LONP2: variants seen among roughly 807,000 people sequenced by gnomAD.
LONP2 encodes the protein lon protease homolog 2, peroxisomal.
Under a neutral mutation model 85.6 loss-of-function variants are expected in LONP2, and 60 were observed. That is an observed-to-expected ratio of 0.70 (90% CI 0.57 to 0.87). LONP2 has a LOEUF of 0.87. Ranked by LOEUF, LONP2 falls within the 40% of genes least tolerant of loss-of-function variation. The probability of loss-of-function intolerance (pLI) is 0.00; values close to 1 mark genes in which losing one functional copy is unlikely to be tolerated. For missense variants in LONP2, 860 were observed against 1,063.5 expected, an observed-to-expected ratio of 0.81 and a Z score of 2.66; for synonymous variants, 395 against 389.7, an observed-to-expected ratio of 1.01 and a Z score of -0.16.
intron 8 of LONP2, among the ~76,000 whole-genome samples, chr16:48,289,914 A>T (rs890518833): frequency 2.0e-5 from 3 of 152,166 alleles, no homozygotes; most frequent in African/African-American, 7.2e-5. Context: ...TATATATATT[A>T]CATATATTTG....
At chr16:48,246,420 T>A (rs1324199254) in intron 1 of LONP2, among the ~76,000 whole-genome samples, 1 of 152,218 alleles carries the variant, frequency 6.6e-6, no homozygotes, top group Non-Finnish European at 1.5e-5. Context: ...GCAAGAGTGG[T>A]CATTATTAGA....
At chr16:48,322,239 G>A (rs1973280304) in intron 11 of LONP2, among the ~76,000 whole-genome samples, 1 of 151,996 alleles carries the variant, frequency 6.6e-6, no homozygotes, top group Admixed American at 6.6e-5. Flanking sequence ...TACTGCTCAA[G>A]GTCATTGCCA....
At chr16:48,296,632 C>T (rs909148856) in intron 9 of LONP2, among the ~76,000 whole-genome samples, 23 of 149,478 alleles carry the variant, frequency 1.5e-4, no homozygotes, top group African/African-American at 3.7e-4. Context: ...GAGGCTGAGG[C>T]GGGAGAATCC....
intron 1 of LONP2, among the ~76,000 whole-genome samples, chr16:48,250,612 G>T (rs1043912922): frequency 2.0e-5 from 3 of 152,114 alleles, no homozygotes; most frequent in Non-Finnish European, 4.4e-5. Context: ...GTTCCTCCTT[G>T]GTTTCTACTT....
chr16:48,278,075 A>G (rs958645903), intron 8 of LONP2, among the ~76,000 whole-genome samples: 7 of 152,014 alleles, frequency 4.6e-5, no homozygotes, highest in Non-Finnish European at 1.0e-4. Context: ...CCATATTAGT[A>G]TTTACATTAT....
rs1026123377 is a variant in LONP2, at chr16:48,328,164, A to G, written c.1796-6052A>G. On this transcript the variant is annotated intron_variant, in intron 11 of 14. Transcript: ENST00000285737. ...ACAGTGGCTCACTCCTGTAATCCCAACACTTTGAGAGGCCAAGGCAGGAGG... is the reference window on the plus strand; with the variant it reads ...ACAGTGGCTCACTCCTGTAATCCCAGCACTTTGAGAGGCCAAGGCAGGAGG... Among the ~76,000 whole-genome samples, 14 of 152,184 alleles carry G rather than the reference A, an allele frequency of 9.2e-5. No individual in the cohort carries two copies. The East Asian group carries it at 2.7e-3, about 29-fold the overall frequency.
At chr16:48,323,693 C>T (rs1973313072) in intron 11 of LONP2, among the ~76,000 whole-genome samples, 1 of 151,668 alleles carries the variant, frequency 6.6e-6, no homozygotes, top group African/African-American at 2.4e-5. Flanking sequence ...TGAAAAATAC[C>T]TCACAGTCAT....
At chr16:48,304,582 T>A (rs1972873195) in intron 11 of LONP2, among the ~76,000 whole-genome samples, 1 of 152,088 alleles carries the variant, frequency 6.6e-6, no homozygotes, top group Non-Finnish European at 1.5e-5. Flanking sequence ...TGGGCGCCTG[T>A]AGTCCCCGCT....
chr16:48,358,820 A>ACATATG, downstream of LONP2, among the ~76,000 whole-genome samples: 1 of 152,232 alleles, frequency 6.6e-6, no homozygotes, highest in Admixed American at 6.5e-5. Flanking sequence ...GCATATGTAC[A>ACATATG]TACACATAAA....
chr16:48,249,297 G>A (rs957046833), intron 1 of LONP2, among the ~76,000 whole-genome samples: 4 of 152,174 alleles, frequency 2.6e-5, no homozygotes, highest in South Asian at 2.1e-4. Flanking sequence ...TATAAGTTTG[G>A]ATCTGTTGCA....
chr16:48,297,157 G>C (rs1972690709), intron 9 of LONP2, among the ~76,000 whole-genome samples: 1 of 151,946 alleles, frequency 6.6e-6, no homozygotes. Flanking sequence ...ACAGGCACTC[G>C]TGACCACGCC....
chr16:48,282,410 CAAAAA>C (rs773913986), intron 8 of LONP2, among the ~76,000 whole-genome samples: 2 of 83,830 alleles, frequency 2.4e-5, no homozygotes, highest in Non-Finnish European at 2.6e-5. Flanking sequence ...GACTCTGTCT[CAAAAA>C]AAAAAAAAAA....
chr16:48,351,858 A>G lies in LONP2; in HGVS notation c.*56A>G, dbSNP rs910460925. On this transcript the variant is annotated 3_prime_UTR_variant, in exon 15 of 15. Coordinates refer to ENST00000285737, the MANE Select transcript of LONP2 (RefSeq NM_031490.5). Reference sequence around the variant, plus strand: ...TTATGAAGTGCTCAAAGGTACTGACACAGTTGATTTTATTCACACCATTAG... The same window carrying G: ...TTATGAAGTGCTCAAAGGTACTGACGCAGTTGATTTTATTCACACCATTAG... 3 of 1,414,882 alleles carry G rather than the reference A, an allele frequency of 2.1e-6. No homozygotes were observed. The highest frequency in any genetic ancestry group is 2.8e-5 in the African/African-American group (2 of 70,362). 87.6% of individuals were successfully genotyped at this position (1,414,882 alleles called of 1,614,324 possible).
intron 9 of LONP2, among the ~76,000 whole-genome samples, chr16:48,297,708 GT>G (rs752667729): frequency 2.2e-5 from 3 of 136,484 alleles, no homozygotes; most frequent in East Asian, 2.3e-4. Flanking sequence ...ATTTCTGTTT[GT>G]TTTTTTTTTG....
rs1960402326 is a variant in LONP2, at chr16:48,357,171, G to A, written c.*5369G>A. 1 of 152,140 alleles carries A rather than the reference G, an allele frequency of 6.6e-6. No homozygotes were observed. Among genetic ancestry groups the A allele is most frequent in the Non-Finnish European group, 1.5e-5 (1 of 68,040 alleles). 9.4% of individuals were successfully genotyped at this position (152,140 alleles called of 1,614,324 possible). A position where few individuals can be genotyped will look rare whatever the true frequency, so the allele number is the denominator to read the frequency against. On this transcript the variant is annotated 3_prime_UTR_variant, in exon 15 of 15. Transcript: ENST00000285737. The stretch of plus-strand genomic sequence containing the variant: ...CGCAGTGGACATCATACCCTTTTGT[G>A]GAGGAGGGACCAGGCAGAGAAGGTA...
chr16:48,313,743 G>T (rs1973083456), intron 11 of LONP2, among the ~76,000 whole-genome samples: 1 of 152,116 alleles, frequency 6.6e-6, no homozygotes, highest in Non-Finnish European at 1.5e-5. Flanking sequence ...GCGCATTTGG[G>T]TTGATTCCAT....
intron 7 of LONP2, among the ~76,000 whole-genome samples, chr16:48,273,093 A>G (rs1972139059): frequency 6.6e-6 from 1 of 152,194 alleles, no homozygotes; most frequent in Admixed American, 6.6e-5. Flanking sequence ...AGAGTTCATG[A>G]AAAGTTTTGT....
intron 10 of LONP2, among the ~76,000 whole-genome samples, chr16:48,300,537 C>A (rs139444623): frequency 6.6e-6 from 1 of 152,354 alleles, no homozygotes; most frequent in African/African-American, 2.4e-5. Context: ...GGCTGCCAAG[C>A]TCTCCTCTTG....
intron 7 of LONP2, among the ~76,000 whole-genome samples, chr16:48,272,618 A>C (rs995138143): frequency 2.6e-5 from 4 of 152,190 alleles, no homozygotes; most frequent in Non-Finnish European, 4.4e-5. Flanking sequence ...AGAAACGTAT[A>C]TATGGAGGCT....
Sources: gnomAD v4.1 joint callset for allele counts (sites outside exome capture counted in the v4.1 genomes callset) on GRCh38, gnomAD v4.1.1 for gene constraint, MANE v1.5 for transcripts, NCBI Gene and HGNC (gene_info 2026-07-23, HGNC 2026-07-21) for gene names.